LRP1B: variants seen among roughly 807,000 people sequenced by gnomAD.
The protein encoded by LRP1B is low-density lipoprotein receptor-related protein 1B.
LRP1B carries 217 observed loss-of-function variants against 556.6 expected under a neutral mutation model. That is an observed-to-expected ratio of 0.39 (90% CI 0.35 to 0.44). The LOEUF (loss-of-function observed/expected upper bound fraction) is 0.44. Among genes scored for constraint, LRP1B ranks in the 20% least tolerant of loss-of-function variants. The probability of loss-of-function intolerance (pLI) is 1.00; values close to 1 mark genes in which losing one functional copy is unlikely to be tolerated. For missense variants in LRP1B, 5,053 were observed against 5,620.8 expected, an observed-to-expected ratio of 0.90 and a Z score of 3.23; for synonymous variants, 2,047 against 1,865.8, an observed-to-expected ratio of 1.10 and a Z score of -2.50.
intron 7 of LRP1B, among the ~76,000 whole-genome samples, chr2:141,112,614 A>T (rs11688015): frequency 0.58 from 88,571 of 152,052 alleles, 27,118 homozygotes; most frequent in Middle Eastern, 0.77. Context: ...TAATAAATAC[A>T]ATGTCCTTCA....
At chr2:141,210,371 A>ATTAAT (rs1682489559) in intron 6 of LRP1B, among the ~76,000 whole-genome samples, 1 of 152,148 alleles carries the variant, frequency 6.6e-6, no homozygotes, top group Admixed American at 6.5e-5. Flanking sequence ...TAACTCAGAA[A>ATTAAT]TTATTAGGCT....
chr2:141,757,859 T>G (rs1373333450), intron 2 of LRP1B, among the ~76,000 whole-genome samples: 1 of 151,930 alleles, frequency 6.6e-6, no homozygotes, highest in Non-Finnish European at 1.5e-5. Context: ...TCTAACTCAG[T>G]TTTTCTTCCT....
rs141561462 is a variant in LRP1B, at chr2:140,415,317, A to C, written c.10414+27187T>G. ...TTGCCCTTTGTCCTGTTTCCTCAGA[A>C]GCACGTGATCTTTGTTAGACCCTTA... On this transcript the variant is annotated intron_variant, in intron 66 of 90. Coordinates refer to ENST00000389484, the MANE Select transcript of LRP1B (RefSeq NM_018557.3). 1.9e-4 allele frequency among the ~76,000 whole-genome samples: 29 copies of C among 152,122 alleles called. No individual in the cohort carries two copies. In the East Asian group the frequency reaches 5.4e-3, roughly 28 times the overall value.
chr2:141,820,494 A>G (rs1696716914), intron 1 of LRP1B, among the ~76,000 whole-genome samples: 1 of 152,204 alleles, frequency 6.6e-6, no homozygotes, highest in Non-Finnish European at 1.5e-5. Flanking sequence ...ATTACAATTC[A>G]TGGTATCACT....
chr2:140,494,606 CAAAAAAAA>C (rs77006034), intron 56 of LRP1B, among the ~76,000 whole-genome samples: 1 of 64,196 alleles, frequency 1.6e-5, no homozygotes, highest in African/African-American at 6.1e-5. Context: ...GACTCCGTCT[CAAAAAAAA>C]AAAAAAAAAA....
intron 1 of LRP1B, among the ~76,000 whole-genome samples, chr2:142,012,205 A>G (rs1702979049): frequency 6.6e-6 from 1 of 151,990 alleles, no homozygotes; most frequent in African/African-American, 2.4e-5. Context: ...TTCACATTTT[A>G]GTTTTGATTT....
chr2:140,826,850 G>A (rs1691526623), intron 31 of LRP1B, among the ~76,000 whole-genome samples: 1 of 152,112 alleles, frequency 6.6e-6, no homozygotes, highest in South Asian at 2.1e-4. Context: ...ACCTCAGCCT[G>A]TGAAACACTG....
At chr2:141,741,501 T>TGG (rs1693705262) in intron 2 of LRP1B, among the ~76,000 whole-genome samples, 1 of 132,420 alleles carries the variant, frequency 7.6e-6, no homozygotes, top group African/African-American at 2.7e-5. Context: ...TTTTAACTGG[T>TGG]GAGATATCTT....
chr2:142,106,959 TAAC>T (rs1331063501), intron 1 of LRP1B, among the ~76,000 whole-genome samples: 14 of 152,140 alleles, frequency 9.2e-5, no homozygotes, highest in Non-Finnish European at 1.5e-5. Flanking sequence ...AAAATAATTA[TAAC>T]ATTATACATA....
chr2:141,671,109 G>C (rs545629044), intron 2 of LRP1B, among the ~76,000 whole-genome samples: 1 of 152,080 alleles, frequency 6.6e-6, no homozygotes, highest in Admixed American at 6.6e-5. Context: ...AGAAATATTT[G>C]GGATTTAAAG....
At chr2:141,113,631 C>A (rs1700808795) in intron 7 of LRP1B, among the ~76,000 whole-genome samples, 1 of 151,954 alleles carries the variant, frequency 6.6e-6, no homozygotes. Flanking sequence ...ACACTGGTAC[C>A]TCACCTCTGG....
At position 140,252,042 on chromosome 2, in the gene LRP1B, G is replaced by C. The variant is rs1681442093; in HGVS notation, c.13248-4880C>G. ...GTCTTTTATACTCACTTCCCTTGCAGATAGTAGCATGACAAGATGCAAAAA... is the reference window on the plus strand; with the variant it reads ...GTCTTTTATACTCACTTCCCTTGCACATAGTAGCATGACAAGATGCAAAAA... On this transcript the variant is annotated intron_variant, in intron 86 of 90. Transcript: ENST00000389484. Among the ~76,000 whole-genome samples, 8 of 50,466 alleles carry C rather than the reference G, an allele frequency of 1.6e-4. No individual in the cohort carries two copies. In the South Asian group the frequency reaches 6.4e-3, roughly 40 times the overall value. 33.1% of individuals were successfully genotyped at this position (50,466 alleles called of 152,430 possible).
intron 35 of LRP1B, among the ~76,000 whole-genome samples, chr2:140,726,295 G>T (rs10496852): frequency 0.044 from 6,722 of 152,180 alleles, 229 homozygotes; most frequent in South Asian, 0.093. Flanking sequence ...TTTTTCTCCA[G>T]TTGAGGGAAG....
At chr2:141,972,252 A>C (rs1473944746) in intron 1 of LRP1B, among the ~76,000 whole-genome samples, 1 of 151,720 alleles carries the variant, frequency 6.6e-6, no homozygotes, top group East Asian at 1.9e-4. Flanking sequence ...TGTTTAAAGA[A>C]TTTTTTAAAG....
At chr2:141,827,944 C>A (rs1324575220) in intron 1 of LRP1B, among the ~76,000 whole-genome samples, 1 of 151,946 alleles carries the variant, frequency 6.6e-6, no homozygotes, top group South Asian at 2.1e-4. Context: ...AGAAGAAATT[C>A]TACATGAGGA....
At chr2:141,668,293 A>G (rs780578647) in intron 2 of LRP1B, among the ~76,000 whole-genome samples, 8 of 152,152 alleles carry the variant, frequency 5.3e-5, no homozygotes, top group Non-Finnish European at 8.8e-5. Flanking sequence ...TACTGGGTAG[A>G]GGATGGTGGT....
intron 2 of LRP1B, among the ~76,000 whole-genome samples, chr2:141,737,304 A>G (rs1218205450): frequency 6.6e-6 from 1 of 152,162 alleles, no homozygotes; most frequent in African/African-American, 2.4e-5. Context: ...GTGAGCCAAG[A>G]TCACGCCACT....
intron 23 of LRP1B, among the ~76,000 whole-genome samples, chr2:140,895,727 A>T (rs1693935344): frequency 6.6e-6 from 1 of 152,132 alleles, no homozygotes; most frequent in Non-Finnish European, 1.5e-5. Flanking sequence ...AATGGCTCTC[A>T]GTGGGATGGA....
intron 84 of LRP1B, among the ~76,000 whole-genome samples, chr2:140,285,286 GATAT>G (rs3035561): frequency 0.37 from 54,050 of 147,776 alleles, 11,226 homozygotes; most frequent in Non-Finnish European, 0.49. Flanking sequence ...GTGATAGCAA[GATAT>G]ATATAGATAG....
Sources: allele counts gnomAD v4.1 joint callset (sites outside exome capture counted in the v4.1 genomes callset), GRCh38; gene constraint gnomAD v4.1.1; transcripts MANE v1.5; gene names NCBI Gene and HGNC (gene_info 2026-07-23, HGNC 2026-07-21).